IQGAP2: variants seen among roughly 807,000 people sequenced by gnomAD.
IQGAP2 encodes IQ motif containing GTPase activating protein 2, also known as ras GTPase-activating-like protein IQGAP2.
In IQGAP2, 173 loss-of-function variants were observed where a neutral mutation model predicts 201.3. That is an observed-to-expected ratio of 0.86 (90% CI 0.76 to 0.98). IQGAP2 has a LOEUF of 0.98. Among genes scored for constraint, IQGAP2 ranks in the 50% least tolerant of loss-of-function variants. IQGAP2 has a pLI of 0.00. For synonymous variants in IQGAP2, 675 were observed against 673.9 expected (o/e 1.00, Z -0.03); for missense variants, 1,687 against 1,864.8 (o/e 0.90, Z 1.76).
chr5:76,681,918 A>G (rs920366679), intron 28 of IQGAP2, among the ~76,000 whole-genome samples: 6 of 152,244 alleles, frequency 3.9e-5, no homozygotes, highest in African/African-American at 1.2e-4. Flanking sequence ...ATTCTGATAC[A>G]TGCTACAACA....
Position 76,496,753 on chromosome 5 carries a change from CTTTCTTTCTTTCTTTCTTTCTTTCTT to C in IQGAP2, c.146+35086_146+35111del, listed in dbSNP as rs1756970673. On this transcript the variant is annotated intron_variant, in intron 2 of 35. Coordinates refer to ENST00000274364, the MANE Select transcript of IQGAP2 (RefSeq NM_006633.5). ...TCTTTCTTTCTTTCTTTCTTTCTTT[CTTTCTTTCTTTCTTTCTTTCTTTCTT>C]TCTTTCTTTCTTTCTCTTTCTTTCT... 1.8e-4 allele frequency among the ~76,000 whole-genome samples: 12 copies of C among 65,438 alleles called. 1 individual carries two copies. Among genetic ancestry groups the C allele is most frequent in the African/African-American group, 8.4e-4 (9 of 10,658 alleles). The allele number at this position is 65,438 out of a possible 152,430, so 42.9% of individuals were successfully genotyped here. A position where few individuals can be genotyped will look rare whatever the true frequency, so the allele number is the denominator to read the frequency against.
At chr5:76,563,739 A>G (rs941149092) in intron 3 of IQGAP2, among the ~76,000 whole-genome samples, 2 of 152,046 alleles carry the variant, frequency 1.3e-5, no homozygotes, top group Admixed American at 6.5e-5. Context: ...AGTTCTTTAT[A>G]TCAATATTTT....
chr5:76,458,427 A>G (rs1294702604), intron 1 of IQGAP2, among the ~76,000 whole-genome samples: 3 of 152,230 alleles, frequency 2.0e-5, no homozygotes, highest in Admixed American at 6.5e-5. Context: ...AATATTGAGT[A>G]ATGCAGAAAT....
intron 35 of IQGAP2, among the ~76,000 whole-genome samples, chr5:76,706,905 T>C (rs113971749): frequency 2.6e-5 from 4 of 152,336 alleles, no homozygotes; most frequent in Admixed American, 2.0e-4. Context: ...CAGGCAGCCT[T>C]TATTTTAACT....
intron 20 of IQGAP2, among the ~76,000 whole-genome samples, 177 bp downstream of exon 20, chr5:76,655,180 T>C (rs1752813549): frequency 6.6e-6 from 1 of 152,054 alleles, no homozygotes; most frequent in Admixed American, 6.6e-5. Flanking sequence ...GAGCACATGG[T>C]GAAAGGAAAT....
chr5:76,474,659 A>G (rs893786342), intron 2 of IQGAP2, among the ~76,000 whole-genome samples: 15 of 152,148 alleles, frequency 9.9e-5, no homozygotes, highest in African/African-American at 3.1e-4. Context: ...TGAGGCAGCT[A>G]TGTCATCTGG....
At chr5:76,680,111 G>A (rs114430474) in intron 28 of IQGAP2, among the ~76,000 whole-genome samples, 89 of 152,344 alleles carry the variant, frequency 5.8e-4, no homozygotes, top group African/African-American at 2.0e-3. Context: ...GGAAAAGGCA[G>A]TAATCAAGAC....
At chr5:76,636,985 T>G (rs767457470) in intron 15 of IQGAP2, 49 bp from the exon 16 acceptor site, 5 of 1,448,562 alleles carry the variant, frequency 3.5e-6, no homozygotes, top group Non-Finnish European at 4.7e-6. Flanking sequence ...ACACTAATGT[T>G]TAAGGGTTCA....
intron 2 of IQGAP2, among the ~76,000 whole-genome samples, chr5:76,478,667 A>G (rs940671720): frequency 6.6e-6 from 1 of 152,140 alleles, no homozygotes; most frequent in Non-Finnish European, 1.5e-5. Context: ...ACAACTGCCT[A>G]CAGTACTGAG....
At chr5:76,589,767 G>T in intron 7 of IQGAP2, 39 bp downstream of exon 7, 1 of 1,099,666 alleles carries the variant, frequency 9.1e-7, no homozygotes, top group South Asian at 1.5e-5. Context: ...ATGGATGTGA[G>T]ACTTACCTGT....
At chr5:76,512,232 G>T (rs562561681) in intron 2 of IQGAP2, among the ~76,000 whole-genome samples, 2 of 152,266 alleles carry the variant, frequency 1.3e-5, no homozygotes, top group African/African-American at 4.8e-5. Context: ...AAAGAAGAGG[G>T]TCCAGAATCC....
At position 76,677,753 on chromosome 5, in the gene IQGAP2, C is replaced by A. The variant is rs991258825; in HGVS notation, c.3660+403C>A. On this transcript the variant is annotated intron_variant, in intron 28 of 35. Transcript: ENST00000274364. Reference sequence around the variant, plus strand: ...GACTAGCCCGGGCAACATAGTGAGACCCCTATCTCTACTAAAAATTTTTTA... The same window carrying A: ...GACTAGCCCGGGCAACATAGTGAGAACCCTATCTCTACTAAAAATTTTTTA... 2.6e-5 allele frequency among the ~76,000 whole-genome samples: 4 copies of A among 152,092 alleles called. No individual in the cohort carries two copies. The East Asian group carries it at 7.7e-4, about 29-fold the overall frequency.
chr5:76,579,669 T>C (rs542525043), intron 5 of IQGAP2, among the ~76,000 whole-genome samples: 2 of 152,174 alleles, frequency 1.3e-5, no homozygotes, highest in Non-Finnish European at 1.5e-5. Context: ...AAATATTTTT[T>C]TTTTAATTAG....
At chr5:76,552,692 C>G (rs1336096588) in intron 2 of IQGAP2, among the ~76,000 whole-genome samples, 1 of 152,176 alleles carries the variant, frequency 6.6e-6, no homozygotes. Context: ...TGTCTAAAAT[C>G]TCACTAGAAT....
At chr5:76,662,544 T>G (rs143530720) in intron 21 of IQGAP2, among the ~76,000 whole-genome samples, 1 of 152,366 alleles carries the variant, frequency 6.6e-6, no homozygotes, top group East Asian at 1.9e-4. Flanking sequence ...AACAAGACTT[T>G]CCTGTCGTAT....
intron 13 of IQGAP2, chr5:76,617,885 T>C: frequency 6.2e-7 from 1 of 1,614,032 alleles, no homozygotes; most frequent in East Asian, 2.2e-5. Context: ...TAAGCACAAA[T>C]GGAATTAAGA....
intron 2 of IQGAP2, among the ~76,000 whole-genome samples, chr5:76,509,559 T>A (rs1421018345): frequency 2.0e-5 from 3 of 150,890 alleles, no homozygotes; most frequent in Non-Finnish European, 4.4e-5. Flanking sequence ...GCCCGGCTAA[T>A]TTTTTTTTGT....
chr5:76,524,936 C>T (rs1329317560), intron 2 of IQGAP2, among the ~76,000 whole-genome samples: 1 of 152,234 alleles, frequency 6.6e-6, no homozygotes, highest in South Asian at 2.1e-4. Flanking sequence ...ATTACAAATG[C>T]ATGCCTTGTG....
At chr5:76,591,567 C>T (rs1249594522) in intron 8 of IQGAP2, among the ~76,000 whole-genome samples, 1 of 152,206 alleles carries the variant, frequency 6.6e-6, no homozygotes, top group Non-Finnish European at 1.5e-5. Flanking sequence ...CAACTGGTGG[C>T]TTCCACCAGC....
Sources: allele counts gnomAD v4.1 joint callset (sites outside exome capture counted in the v4.1 genomes callset), GRCh38; gene constraint gnomAD v4.1.1; transcripts MANE v1.5; gene names NCBI Gene and HGNC (gene_info 2026-07-23, HGNC 2026-07-21).